The following VASP variants were observed in gnomAD, a reference collection of about 807,000 sequenced individuals.
The protein encoded by VASP is vasodilator stimulated phosphoprotein.
Under a neutral mutation model 54.4 loss-of-function variants are expected in VASP, and 27 were observed. That is an observed-to-expected ratio of 0.50 (90% CI 0.37 to 0.68). The LOEUF is 0.68. Among genes scored for constraint, VASP ranks in the 30% least tolerant of loss-of-function variants. The pLI is 0.00. For synonymous variants in VASP, 233 were observed against 209.8 expected (o/e 1.11, Z -0.96); for missense variants, 488 against 528.3 (o/e 0.92, Z 0.75).
chr19:45,526,001 A>C lies in VASP; in HGVS notation c.1103A>C (p.Glu368Ala), dbSNP rs148966728. Residue 368 changes from glutamate (E) to alanine (A), a missense_variant and splice_region_variant, in exon 12 of 13, where the codon GAA becomes GCA. Transcript: ENST00000245932. ...ELQKVKEEII[E>A]AFVQELRKRG... ...CAGAAAGTGAAAGAGGAAATCATTG[A>C]AGGTGAGGTGGTTTGCTTTGGTTTT... The C allele has an allele frequency of 4.7e-4, 763 of 1,613,942 alleles. 5 individuals carry two copies. The African/African-American group carries it at 8.7e-3, about 18-fold the overall frequency.
chr19:45,524,423 CA>C (rs369646184), intron 10 of VASP, 146 bp from the exon 11 acceptor site: 26,236 of 644,116 alleles, frequency 0.041, no homozygotes, highest in Middle Eastern at 0.05. Context: ...AAACCAAAAC[CA>C]AAAAAAAAAA....
At chr19:45,510,445 C>T (rs1968578375) in intron 1 of VASP, among the ~76,000 whole-genome samples, 1 of 152,036 alleles carries the variant, frequency 6.6e-6, no homozygotes. Context: ...AGGCTGGTCT[C>T]GAACTCTTAA....
Position 45,507,951 on chromosome 19 carries a change from G to A in VASP, c.5+175G>A, listed in dbSNP as rs946057940. 1.3e-5 allele frequency among the ~76,000 whole-genome samples: 2 copies of A among 152,094 alleles called. No individual in the cohort carries two copies. The highest frequency in any genetic ancestry group is 2.9e-5 in the Non-Finnish European group (2 of 68,010). On this transcript the variant is annotated intron_variant, in intron 1 of 12. Transcript: ENST00000245932. The surrounding 1 kb of genome is among the most constrained non-coding windows in gnomAD (Gnocchi z 4.4). ...CCAGAACCGTCGATCACTTCTCCAC[G>A]ACTGACTCCCCAAGCTCGGGGGGTG...
rs1344375245 is a variant in VASP at position 45,507,818 on chromosome 19, G to T, written c.5+42G>T. 2 of 1,345,110 alleles carry T rather than the reference G, an allele frequency of 1.5e-6. No individual in the cohort carries two copies. The highest frequency in any genetic ancestry group is 1.9e-6 in the Non-Finnish European group (2 of 1,049,402). The allele number at this position is 1,345,110 out of a possible 1,614,324, so 83.3% of individuals were successfully genotyped here. A position where few individuals can be genotyped will look rare whatever the true frequency, so the allele number is the denominator to read the frequency against. ...CCCCGACCCGTCCCCGCCCGGGCGGGCTCCGCGCCCCGCCTTTGTCCCCCT... is the reference window on the plus strand; with the variant it reads ...CCCCGACCCGTCCCCGCCCGGGCGGTCTCCGCGCCCCGCCTTTGTCCCCCT... On this transcript the variant is annotated intron_variant, in intron 1 of 12. Coordinates refer to ENST00000245932, the MANE Select transcript of VASP (RefSeq NM_003370.4). The surrounding 1 kb of genome is among the most constrained non-coding windows in gnomAD (Gnocchi z 4.4).
intron 7 of VASP, 144 bp downstream of exon 7, chr19:45,522,962 G>C: frequency 3.3e-6 from 3 of 899,958 alleles, no homozygotes; most frequent in Non-Finnish European, 4.9e-6. Context: ...TAATGGTGGG[G>C]TTTGTCATGA....
chr19:45,525,890 T>C, intron 11 of VASP, 56 bp from the exon 12 acceptor site: 3 of 1,531,942 alleles, frequency 2.0e-6, no homozygotes, highest in Non-Finnish European at 2.7e-6. Flanking sequence ...GAAGGGGGAT[T>C]CATTCCTGCA....
chr19:45,524,152 C>T lies in VASP; in HGVS notation c.956+10C>T, dbSNP rs1257643090. ...GCACAACCTTGCCAAGGTAGGCCAT[C>T]GGTCCTGGGGCCCTTGGGGAGGTAA... is the stretch of plus-strand genomic sequence containing the variant. On this transcript the variant is annotated intron_variant, in intron 10 of 12. Transcript: ENST00000245932. 1.2e-5 allele frequency: 20 copies of T among 1,612,840 alleles called. No individual in the cohort carries two copies. The highest frequency in any genetic ancestry group is 2.7e-5 in the African/African-American group (2 of 74,796).
chr19:45,519,894 C>CT (rs57892194), intron 3 of VASP, among the ~76,000 whole-genome samples: 1,003 of 50,956 alleles, frequency 0.02, 214 homozygotes, highest in African/African-American at 0.026. Context: ...TGCGCCCGGC[C>CT]TTTTTTTTTT....
intron 3 of VASP, among the ~76,000 whole-genome samples, chr19:45,518,896 A>G (rs1312709253): frequency 6.6e-6 from 1 of 152,106 alleles, no homozygotes; most frequent in Non-Finnish European, 1.5e-5. Flanking sequence ...CAGTGGTGCA[A>G]CCTCAGCTCA....
intron 6 of VASP, 46 bp downstream of exon 6, chr19:45,522,627 G>T: frequency 6.5e-7 from 1 of 1,527,916 alleles, no homozygotes; most frequent in South Asian, 1.3e-5. Flanking sequence ...GGCTTTTATG[G>T]GGGATGAGGC....
At chr19:45,524,322 A>G (rs898227495) in intron 10 of VASP, 180 bp downstream of exon 10, 2 of 767,194 alleles carry the variant, frequency 2.6e-6, no homozygotes, top group Non-Finnish European at 4.3e-6. Flanking sequence ...GGATTACTTG[A>G]GCCCAGGAAG....
At chr19:45,517,050 TG>T (rs1405984662) in intron 1 of VASP, among the ~76,000 whole-genome samples, 1 of 149,618 alleles carries the variant, frequency 6.7e-6, no homozygotes, top group African/African-American at 2.5e-5. Flanking sequence ...CCCAGCTACT[TG>T]GGAGGCTGAA....
Position 45,522,801 on chromosome 19 carries a change from C to T in VASP, c.804C>T (p.Asn268=), listed in dbSNP as rs746004105. 4.4e-6 allele frequency: 7 copies of T among 1,605,806 alleles called. No individual in the cohort carries two copies. The highest frequency in any genetic ancestry group is 3.5e-5 in the Admixed American group (2 of 57,868). Residue 268 remains asparagine (N), a synonymous_variant, in exon 7 of 13, where the codon AAC becomes AAT. Coordinates refer to ENST00000245932, the MANE Select transcript of VASP (RefSeq NM_003370.4). ...SGGGGLMEEM[N]AMLARRRKAT... is the part of the protein sequence containing the mutation. ...GTGGGGGACTCATGGAAGAGATGAACGCCATGCTGGCCCGGAGGTGAGCCT... is the reference window on the plus strand; with the variant it reads ...GTGGGGGACTCATGGAAGAGATGAATGCCATGCTGGCCCGGAGGTGAGCCT...
chr19:45,525,470 G>C (rs1968940285), intron 11 of VASP, among the ~76,000 whole-genome samples: 1 of 152,156 alleles, frequency 6.6e-6, no homozygotes, highest in South Asian at 2.1e-4. Context: ...AGGCTGATGG[G>C]GACGGATCAC....
rs755837766 is a variant in VASP, at chr19:45,514,629, T to TAGG, written c.6-3034_6-3033insAGG. On this transcript the variant is annotated intron_variant, in intron 1 of 12. Transcript: ENST00000245932. Reference sequence around the variant, plus strand: ...AGCAGGCGCCCTGTTCTCCGGCCAGTCCAGAGCCTCAGTAGGGCAGGGCTG... The same window carrying TAGG: ...AGCAGGCGCCCTGTTCTCCGGCCAGTAGGCCAGAGCCTCAGTAGGGCAGGGCTG... 7.4e-4 allele frequency among the ~76,000 whole-genome samples: 113 copies of TAGG among 152,308 alleles called. 1 individual carries two copies. Among genetic ancestry groups the TAGG allele is most frequent in the Non-Finnish European group, 1.5e-3 (101 of 68,018 alleles).
intron 10 of VASP, 34 bp downstream of exon 10, chr19:45,524,176 A>G: frequency 6.2e-7 from 1 of 1,611,898 alleles, no homozygotes; most frequent in Non-Finnish European, 8.5e-7. Flanking sequence ...TTGGGGAGGT[A>G]AAGGCGGGCA....
intron 1 of VASP, among the ~76,000 whole-genome samples, chr19:45,512,622 C>G (rs1205569416): frequency 2.2e-5 from 3 of 134,866 alleles, no homozygotes; most frequent in Non-Finnish European, 3.2e-5. Flanking sequence ...GTTTTTGAGA[C>G]GGAGTCTTGC....
chr19:45,514,093 T>C (rs148811263), intron 1 of VASP, among the ~76,000 whole-genome samples: 1 of 152,234 alleles, frequency 6.6e-6, no homozygotes, highest in African/African-American at 2.4e-5. Flanking sequence ...AGGGACGGCT[T>C]CTTGGAAGGG....
intron 1 of VASP, among the ~76,000 whole-genome samples, chr19:45,516,663 T>G (rs1025747631): frequency 5.9e-5 from 9 of 152,156 alleles, no homozygotes; most frequent in Admixed American, 5.2e-4. Context: ...TTTTCCTTCT[T>G]ATTAGTTTTG....
Sources: gnomAD v4.1 joint callset for allele counts (sites outside exome capture counted in the v4.1 genomes callset) on GRCh38, gnomAD v4.1.1 for gene constraint, Gnocchi (gnomAD v3.1) non-coding constraint, MANE v1.5 for transcripts, NCBI Gene and HGNC (gene_info 2026-07-23, HGNC 2026-07-21) for gene names.